GRAMD1B: variants seen among roughly 807,000 people sequenced by gnomAD.
The protein encoded by GRAMD1B is protein Aster-B.
Under a neutral mutation model 99.7 loss-of-function variants are expected in GRAMD1B, and 37 were observed. The ratio of observed to expected loss-of-function variants is 0.37; its 90% CI spans 0.29 to 0.49. The LOEUF is 0.49. GRAMD1B is among the 20% of genes least tolerant of loss of function. The pLI, the probability that GRAMD1B is intolerant of heterozygous loss-of-function variation, is 0.98. For missense variants in GRAMD1B, 888 were observed against 1,009.2 expected (o/e 0.88, Z 1.63); for synonymous variants, 427 against 387.6 (o/e 1.10, Z -1.19).
At chr11:123,437,841 C>G (rs540939116) in intron 1 of GRAMD1B, among the ~76,000 whole-genome samples, 2 of 152,178 alleles carry the variant, frequency 1.3e-5, no homozygotes, top group African/African-American at 4.8e-5. Flanking sequence ...CGGGTTTCAG[C>G]TCCATTTCCA....
At chr11:123,556,948 G>T (rs1467574284) in intron 2 of GRAMD1B, among the ~76,000 whole-genome samples, 4 of 152,208 alleles carry the variant, frequency 2.6e-5, no homozygotes, top group Admixed American at 2.0e-4. Context: ...CTTCCTAATG[G>T]CATGTCAGTA....
intron 19 of GRAMD1B, among the ~76,000 whole-genome samples, chr11:123,620,440 C>A (rs1461686663): frequency 3.2e-5 from 2 of 63,226 alleles, no homozygotes; most frequent in African/African-American, 8.4e-5. Flanking sequence ...TGCCACTGCA[C>A]TCCAGCCTGG....
chr11:123,419,142 G>A (rs1481609618), intron 1 of GRAMD1B, among the ~76,000 whole-genome samples: 2 of 152,140 alleles, frequency 1.3e-5, no homozygotes, highest in African/African-American at 4.8e-5. Context: ...CATCATAAAA[G>A]GTCAACTTGA....
intron 1 of GRAMD1B, among the ~76,000 whole-genome samples, chr11:123,448,272 T>G (rs1949728964): frequency 6.6e-6 from 1 of 152,100 alleles, no homozygotes; most frequent in Admixed American, 6.5e-5. Context: ...TATTTTTTTT[T>G]GAGGCAGTCT....
chr11:123,422,218 G>A (rs1194731726), intron 1 of GRAMD1B, among the ~76,000 whole-genome samples: 14 of 152,196 alleles, frequency 9.2e-5, no homozygotes, highest in African/African-American at 2.7e-4. Context: ...GGGGCGCAGT[G>A]CAGCAGGGTA....
intron 1 of GRAMD1B, among the ~76,000 whole-genome samples, chr11:123,421,090 A>G (rs1337440471): frequency 1.3e-5 from 2 of 152,206 alleles, no homozygotes; most frequent in Non-Finnish European, 2.9e-5. Flanking sequence ...GTAAGTAGTG[A>G]TGTTCTTGCA....
intron 1 of GRAMD1B, among the ~76,000 whole-genome samples, chr11:123,402,512 A>G (rs1947703656): frequency 1.3e-5 from 2 of 152,220 alleles, no homozygotes; most frequent in Admixed American, 1.3e-4. Flanking sequence ...TTACAACAGC[A>G]AGGCAGGCAT....
At chr11:123,428,531 C>A (rs947474604), upstream of GRAMD1B, among the ~76,000 whole-genome samples, 1 of 152,208 alleles carries the variant, frequency 6.6e-6, no homozygotes, top group Non-Finnish European at 1.5e-5. Flanking sequence ...GTATCTCTCT[C>A]CCTGAGGAAG....
chr11:123,584,148 T>C (rs369809277), intron 3 of GRAMD1B, among the ~76,000 whole-genome samples, 164 bp from the exon 4 acceptor site: 2 of 151,646 alleles, frequency 1.3e-5, no homozygotes, highest in East Asian at 2.0e-4. Flanking sequence ...GGAACTGCCT[T>C]GAGAAAGGAG....
chr11:123,444,353 A>T (rs1949542654), intron 1 of GRAMD1B, among the ~76,000 whole-genome samples: 1 of 152,258 alleles, frequency 6.6e-6, no homozygotes, highest in South Asian at 2.1e-4. Context: ...TTGGCCAGGC[A>T]TGGTGGCTCA....
intron 1 of GRAMD1B, among the ~76,000 whole-genome samples, chr11:123,379,530 G>A (rs574401863): frequency 2.6e-4 from 40 of 152,108 alleles, no homozygotes; most frequent in African/African-American, 8.9e-4. Flanking sequence ...GTTTATTACC[G>A]AATAATATTT....
chr11:123,608,761 C>T lies in GRAMD1B; in HGVS notation c.1616C>T (p.Ser539Leu), dbSNP rs374919881. 23 of 1,552,102 alleles carry T rather than the reference C, an allele frequency of 1.5e-5. No individual in the cohort carries two copies. Among genetic ancestry groups the T allele is most frequent in the Middle Eastern group, 1.8e-4 (1 of 5,696 alleles). ...DKLYDLLFTN[S>L]PFQRDFMEQR... Reference sequence around the variant, plus strand: ...CTCTATGACCTCCTCTTCACCAACTCGCCCTTCCAGCGGGATTTCATGGAG... The same window carrying T: ...CTCTATGACCTCCTCTTCACCAACTTGCCCTTCCAGCGGGATTTCATGGAG... Residue 539 changes from serine (S) to leucine (L), a missense_variant, in exon 12 of 20, where the codon TCG (serine) becomes TTG (leucine). Transcript: ENST00000635736.
At chr11:123,542,329 G>T (rs1290821) in intron 2 of GRAMD1B, among the ~76,000 whole-genome samples, 14,236 of 152,246 alleles carry the variant, frequency 0.094, 718 homozygotes, top group East Asian at 0.15. Context: ...GAGAGCACTC[G>T]CCAGTTACAA....
chr11:123,525,863 C>A, intron 2 of GRAMD1B: 1 of 495,630 alleles, frequency 2.0e-6, no homozygotes, highest in Non-Finnish European at 3.7e-6. Flanking sequence ...AAACTGGCAG[C>A]GGCAGCCACA....
chr11:123,581,144 C>A (rs1187072947), intron 3 of GRAMD1B, among the ~76,000 whole-genome samples: 1 of 152,110 alleles, frequency 6.6e-6, no homozygotes, highest in African/African-American at 2.4e-5. Context: ...TTCCAGGGGC[C>A]TTGCATTCCT....
chr11:123,469,852 T>G (rs1950920740), intron 1 of GRAMD1B, among the ~76,000 whole-genome samples: 1 of 150,922 alleles, frequency 6.6e-6, no homozygotes, highest in Admixed American at 6.6e-5. Flanking sequence ...AAGAAAAAAA[T>G]AAACATTATT....
intron 2 of GRAMD1B, among the ~76,000 whole-genome samples, chr11:123,545,031 G>C (rs1459464402): frequency 6.6e-6 from 1 of 152,134 alleles, no homozygotes; most frequent in Non-Finnish European, 1.5e-5. Flanking sequence ...TGGAAGGACA[G>C]TGGGCTGTCT....
intron 8 of GRAMD1B, among the ~76,000 whole-genome samples, chr11:123,601,334 G>A (rs1271347419): frequency 6.6e-6 from 1 of 151,902 alleles, no homozygotes. Context: ...GCAGTGAGCT[G>A]TGATTGCGCC....
chr11:123,435,680 A>G (rs751959480), intron 1 of GRAMD1B: 1 of 441,450 alleles, frequency 2.3e-6, no homozygotes. Flanking sequence ...ATGAGTTAAT[A>G]ATGAGTAAAT....
Sources: allele counts gnomAD v4.1 joint callset (sites outside exome capture counted in the v4.1 genomes callset), GRCh38; gene constraint gnomAD v4.1.1; transcripts MANE v1.5; gene names NCBI Gene and HGNC (gene_info 2026-07-23, HGNC 2026-07-21).